Variants in TIMP3 observed in about 807,000 individuals in gnomAD.
TIMP3 encodes the protein metalloproteinase inhibitor 3.
In TIMP3, 11 loss-of-function variants were observed where a neutral mutation model predicts 30.0. The ratio of observed to expected loss-of-function variants is 0.37; its 90% CI spans 0.23 to 0.61. The LOEUF is 0.61. TIMP3 is among the 20% of genes least tolerant of loss of function. The pLI is 0.70. For missense variants in TIMP3, 181 were observed against 276.8 expected (o/e 0.65, Z 2.45); for synonymous variants, 112 against 111.3 (o/e 1.01, Z -0.04).
chr22:32,825,072 C>T (rs986172688), intron 1 of TIMP3, among the ~76,000 whole-genome samples: 1 of 152,040 alleles, frequency 6.6e-6, no homozygotes, highest in Non-Finnish European at 1.5e-5. Context: ...GGACAGGACT[C>T]AGGCAGATAG....
At chr22:32,804,862 A>T (rs914833871) in intron 1 of TIMP3, among the ~76,000 whole-genome samples, 2 of 152,144 alleles carry the variant, frequency 1.3e-5, no homozygotes, top group African/African-American at 4.8e-5. Context: ...CTGGCCAGTC[A>T]TTGCCCCTGA....
intron 2 of TIMP3, among the ~76,000 whole-genome samples, chr22:32,855,038 T>C (rs1343206191): frequency 2.0e-5 from 3 of 152,216 alleles, no homozygotes; most frequent in African/African-American, 7.2e-5. Flanking sequence ...TTTGTATTAA[T>C]TACTGTAGGT....
chr22:32,842,327 C>T (rs953324016), intron 1 of TIMP3, among the ~76,000 whole-genome samples: 1 of 152,136 alleles, frequency 6.6e-6, no homozygotes, highest in African/African-American at 2.4e-5. Context: ...CAGAGGGACC[C>T]AGTCCAGGCA....
rs191153486 is a variant in TIMP3 at position 32,828,378 on chromosome 22, C to T, written c.122-21074C>T. On this transcript the variant is annotated intron_variant, in intron 1 of 4. Coordinates refer to ENST00000266085, the MANE Select transcript of TIMP3 (RefSeq NM_000362.5). The stretch of plus-strand genomic sequence containing the variant: ...TGAAGTAGCAAATCTTTCAGAGATA[C>T]AGGCCTCTAAAAAATTCTGCCATCT... Among the ~76,000 whole-genome samples the T allele has an allele frequency of 2.0e-3, 307 of 152,326 alleles. 5 individuals carry two copies. The South Asian group carries it at 0.038, about 19-fold the overall frequency.
chr22:32,853,549 A>G (rs1376122958), intron 2 of TIMP3, among the ~76,000 whole-genome samples: 1 of 152,218 alleles, frequency 6.6e-6, no homozygotes. Context: ...GGAAGCTAAC[A>G]TCTTGGAACT....
chr22:32,823,815 C>G (rs769948676), intron 1 of TIMP3, among the ~76,000 whole-genome samples: 22 of 152,148 alleles, frequency 1.4e-4, no homozygotes, highest in Non-Finnish European at 2.2e-4. Context: ...AGGCAAGTCA[C>G]TCTGCCTCCA....
chr22:32,846,525 G>T (rs150793918), intron 1 of TIMP3, among the ~76,000 whole-genome samples: 1 of 152,178 alleles, frequency 6.6e-6, no homozygotes, highest in African/African-American at 2.4e-5. Context: ...TGTTCTCAGC[G>T]CTTATATTAA....
intron 2 of TIMP3, among the ~76,000 whole-genome samples, 190 bp from the exon 3 acceptor site, chr22:32,857,059 G>A (rs1246745844): frequency 6.6e-6 from 1 of 152,180 alleles, no homozygotes; most frequent in Non-Finnish European, 1.5e-5. Flanking sequence ...CCATTCATCT[G>A]TTGATGGGCA....
intron 4 of TIMP3, among the ~76,000 whole-genome samples, chr22:32,858,630 C>A (rs1356662419): frequency 2.0e-5 from 3 of 152,194 alleles, no homozygotes; most frequent in Non-Finnish European, 2.9e-5. Context: ...AAGGTGCAGC[C>A]TGCCTGCTGT....
intron 1 of TIMP3, among the ~76,000 whole-genome samples, chr22:32,821,126 G>A (rs2047236073): frequency 1.3e-5 from 2 of 152,152 alleles, no homozygotes; most frequent in Admixed American, 1.3e-4. Context: ...AGTGGAGGAT[G>A]TCAAAAGAGA....
At chr22:32,822,744 G>A (rs2047287074) in intron 1 of TIMP3, among the ~76,000 whole-genome samples, 1 of 152,132 alleles carries the variant, frequency 6.6e-6, no homozygotes, top group African/African-American at 2.4e-5. Flanking sequence ...AAAGGAGGTG[G>A]GTGTGGCCCT....
chr22:32,804,761 GAGA>G (rs1486149730), intron 1 of TIMP3, among the ~76,000 whole-genome samples: 3 of 152,316 alleles, frequency 2.0e-5, no homozygotes, highest in Admixed American at 6.5e-5. Context: ...AAGTGTTTAG[GAGA>G]AGAATAAACT....
At position 32,862,167 on chromosome 22, in the gene TIMP3, C is replaced by T. The variant is rs2048561645; in HGVS notation, c.*2790C>T. ...GCCCTGGGTAGTCTACCATTTACTT[C>T]ACCCCAAGTCCTGCTGCCCATCCAG... On this transcript the variant is annotated 3_prime_UTR_variant, in exon 5 of 5. Transcript: ENST00000266085. The T allele has an allele frequency of 6.6e-6, 1 of 152,380 alleles. No homozygotes were observed. Among genetic ancestry groups the T allele is most frequent in the Non-Finnish European group, 1.5e-5 (1 of 68,066 alleles). The allele number at this position is 152,380 out of a possible 1,614,324, so 9.4% of individuals were successfully genotyped here. A position where few individuals can be genotyped will look rare whatever the true frequency, so the allele number is the denominator to read the frequency against.
chr22:32,842,783 G>T (rs1397568112), intron 1 of TIMP3, among the ~76,000 whole-genome samples: 1 of 152,182 alleles, frequency 6.6e-6, no homozygotes, highest in Admixed American at 6.5e-5. Flanking sequence ...GGTCTAAACA[G>T]ATGATACGAT....
At chr22:32,831,166 C>A (rs931406799) in intron 1 of TIMP3, among the ~76,000 whole-genome samples, 1 of 152,096 alleles carries the variant, frequency 6.6e-6, no homozygotes, top group African/African-American at 2.4e-5. Flanking sequence ...GCATGTCCTT[C>A]AGGAGGGTGT....
At chr22:32,803,204 C>T (rs943002951) in intron 1 of TIMP3, among the ~76,000 whole-genome samples, 3 of 151,884 alleles carry the variant, frequency 2.0e-5, no homozygotes, top group South Asian at 2.1e-4. Context: ...ACAGCCTTGC[C>T]GCCCTCTGCC....
At chr22:32,812,773 C>G (rs982022729) in intron 1 of TIMP3, among the ~76,000 whole-genome samples, 4 of 152,250 alleles carry the variant, frequency 2.6e-5, no homozygotes, top group Admixed American at 2.6e-4. Flanking sequence ...ATTTGGAAGA[C>G]TTAGATCAAA....
chr22:32,862,966 T>C lies in TIMP3; in HGVS notation c.*3589T>C, dbSNP rs2048587284. ...TATATTCCGTGAATGTATATTGTCT[T>C]GTAATGTTGCATAATGTTCACTTTT... On this transcript the variant is annotated 3_prime_UTR_variant, in exon 5 of 5. Coordinates refer to ENST00000266085, the MANE Select transcript of TIMP3 (RefSeq NM_000362.5). 2.0e-5 allele frequency: 3 copies of C among 152,678 alleles called. No individual in the cohort carries two copies. Among genetic ancestry groups the C allele is most frequent in the Admixed American group, 2.0e-4 (3 of 15,288 alleles). 9.5% of individuals were successfully genotyped at this position (152,678 alleles called of 1,614,324 possible).
intron 1 of TIMP3, among the ~76,000 whole-genome samples, chr22:32,818,945 C>A (rs534559088): frequency 6.6e-6 from 1 of 152,194 alleles, no homozygotes; most frequent in Admixed American, 6.5e-5. Flanking sequence ...AGCTACTCCT[C>A]GCCCCCTCCT....
Sources: allele counts gnomAD v4.1 joint callset (sites outside exome capture counted in the v4.1 genomes callset), GRCh38; gene constraint gnomAD v4.1.1; transcripts MANE v1.5; gene names NCBI Gene and HGNC (gene_info 2026-07-23, HGNC 2026-07-21).